Variants in CPNE8 observed in about 807,000 individuals in gnomAD.
CPNE8 encodes the protein copine-8.
A neutral mutation model predicts 81.5 loss-of-function variants in CPNE8; 45 were observed. That is an observed-to-expected ratio of 0.55 (90% confidence interval 0.44 to 0.71). CPNE8 has a LOEUF of 0.71. Among genes scored for constraint, CPNE8 ranks in the 30% least tolerant of loss-of-function variants. CPNE8 has a pLI of 0.00. For missense variants in CPNE8, 594 were observed against 672.1 expected, an observed-to-expected ratio of 0.88 and a Z score of 1.28; for synonymous variants, 252 against 226.3, an observed-to-expected ratio of 1.11 and a Z score of -1.02.
At chr12:38,740,862 G>A (rs1318601564) in intron 10 of CPNE8, among the ~76,000 whole-genome samples, 3 of 152,066 alleles carry the variant, frequency 2.0e-5, no homozygotes, top group African/African-American at 7.2e-5. Context: ...TTTTTTTGTT[G>A]TGTCTCTGCC....
chr12:38,724,977 G>T, intron 11 of CPNE8, 78 bp from the exon 12 acceptor site: 1 of 1,222,536 alleles, frequency 8.2e-7, no homozygotes, highest in Non-Finnish European at 1.2e-6. Context: ...AAAATGTGAA[G>T]TTTAACCTGC....
chr12:38,869,876 C>CAAA (rs1432040736), intron 3 of CPNE8, among the ~76,000 whole-genome samples: 1 of 152,132 alleles, frequency 6.6e-6, no homozygotes, highest in East Asian at 1.9e-4. Flanking sequence ...AAAAAATAAG[C>CAAA]AAAATACTCT....
chr12:38,686,279 A>G (rs1489402395), intron 15 of CPNE8, among the ~76,000 whole-genome samples: 1 of 152,194 alleles, frequency 6.6e-6, no homozygotes, highest in Admixed American at 6.5e-5. Flanking sequence ...AGGAATAAAA[A>G]AAAAATCCAG....
chr12:38,810,764 G>A (rs557850705), intron 6 of CPNE8, among the ~76,000 whole-genome samples: 1 of 151,992 alleles, frequency 6.6e-6, no homozygotes, highest in East Asian at 1.9e-4. Context: ...AGTGTCAAGT[G>A]GTCTATGTTT....
chr12:38,861,105 AC>A (rs1198304068), intron 3 of CPNE8, among the ~76,000 whole-genome samples: 1 of 152,194 alleles, frequency 6.6e-6, no homozygotes, highest in Non-Finnish European at 1.5e-5. Flanking sequence ...AACCTGGAGG[AC>A]ATTATATTAA....
intron 6 of CPNE8, among the ~76,000 whole-genome samples, chr12:38,826,620 A>G (rs1020721166): frequency 6.6e-6 from 1 of 152,186 alleles, no homozygotes; most frequent in African/African-American, 2.4e-5. Context: ...TTTGCTGGTC[A>G]TACCTAGTGG....
chr12:38,857,364 T>C (rs1943758525), intron 3 of CPNE8, among the ~76,000 whole-genome samples: 1 of 152,240 alleles, frequency 6.6e-6, no homozygotes, highest in African/African-American at 2.4e-5. Flanking sequence ...ATTGATTGGC[T>C]ATCAGAGAAA....
intron 19 of CPNE8, among the ~76,000 whole-genome samples, chr12:38,657,443 G>A (rs546186466): frequency 2.6e-5 from 4 of 152,270 alleles, no homozygotes; most frequent in South Asian, 2.1e-4. Flanking sequence ...CCACCTCTGT[G>A]GGTAGGGCAC....
At chr12:38,737,276 G>T (rs763213355) in intron 10 of CPNE8, among the ~76,000 whole-genome samples, 2 of 151,334 alleles carry the variant, frequency 1.3e-5, no homozygotes, top group Non-Finnish European at 2.9e-5. Flanking sequence ...TTATGTCATT[G>T]GTCAATGGCT....
chr12:38,776,376 G>T, intron 6 of CPNE8, 75 bp from the exon 7 acceptor site: 1 of 460,622 alleles, frequency 2.2e-6, no homozygotes, highest in Non-Finnish European at 3.4e-6. Flanking sequence ...TATATATCAT[G>T]TTTATTTTTA....
chr12:38,818,169 T>G (rs908701346), intron 6 of CPNE8, among the ~76,000 whole-genome samples: 16 of 152,138 alleles, frequency 1.1e-4, no homozygotes, highest in South Asian at 2.1e-4. Context: ...AGTTCTGGGA[T>G]GCATGTGCAG....
At position 38,863,060 on chromosome 12, in the gene CPNE8, A is replaced by T. The variant is rs76720030; in HGVS notation, c.186+9944T>A. ...TAACCATCAAAGGCAGAAATTGATT[A>T]TTGAAAAGACTAATAACTGATAAAC... On this transcript the variant is annotated intron_variant, in intron 3 of 19. Transcript: ENST00000331366. 7.0e-4 allele frequency among the ~76,000 whole-genome samples: 107 copies of T among 152,350 alleles called. No homozygotes were observed. The East Asian group carries it at 0.019, about 27-fold the overall frequency.
intron 10 of CPNE8, among the ~76,000 whole-genome samples, chr12:38,740,732 G>T (rs923335792): frequency 1.3e-5 from 2 of 152,162 alleles, no homozygotes; most frequent in African/African-American, 4.8e-5. Context: ...GCATCCCAGG[G>T]ATGAAGCCCA....
Position 38,653,774 on chromosome 12 carries a change from C to T in CPNE8, c.*108G>A. On this transcript the variant is annotated 3_prime_UTR_variant, in exon 20 of 20. Transcript: ENST00000331366. ...CAAGAAAGCACATTAACTGCTGAAACCAAACTGAGAAAACTATCTCATTGC... is the reference window on the plus strand; with the variant it reads ...CAAGAAAGCACATTAACTGCTGAAATCAAACTGAGAAAACTATCTCATTGC... 4.9e-6 allele frequency: 7 copies of T among 1,420,326 alleles called. No individual in the cohort carries two copies. Among genetic ancestry groups the T allele is most frequent in the Non-Finnish European group, 6.4e-6 (7 of 1,088,558 alleles). The allele number at this position is 1,420,326 out of a possible 1,614,324, so 88.0% of individuals were successfully genotyped here.
intron 6 of CPNE8, among the ~76,000 whole-genome samples, chr12:38,792,829 C>T (rs919736061): frequency 6.6e-6 from 1 of 151,754 alleles, no homozygotes; most frequent in African/African-American, 2.4e-5. Context: ...ATGCAAAAAT[C>T]CTCAACAAAA....
intron 1 of CPNE8, among the ~76,000 whole-genome samples, chr12:38,892,321 G>T (rs1944324354): frequency 6.6e-6 from 1 of 152,174 alleles, no homozygotes; most frequent in Non-Finnish European, 1.5e-5. Context: ...GTAAACAAAG[G>T]GGACACGCTG....
chr12:38,759,244 G>A (rs1941526839), intron 10 of CPNE8, among the ~76,000 whole-genome samples: 1 of 152,114 alleles, frequency 6.6e-6, no homozygotes, highest in Admixed American at 6.5e-5. Context: ...TTTCTAAATG[G>A]GAAATGGGTT....
rs764085822 is a variant in CPNE8 at position 38,873,060 on chromosome 12, A to G, written c.140-10T>C. The G allele has an allele frequency of 6.7e-7, 1 of 1,495,680 alleles. No individual in the cohort carries two copies. Among genetic ancestry groups the G allele is most frequent in the Non-Finnish European group, 9.3e-7 (1 of 1,080,022 alleles). 92.7% of individuals were successfully genotyped at this position (1,495,680 alleles called of 1,614,324 possible). A position where few individuals can be genotyped will look rare whatever the true frequency, so the allele number is the denominator to read the frequency against. ...ACATATAAGACACAAACTACAAAAG[A>G]TGAAAAAATACGCACATATAAATGT... On this transcript the variant is annotated splice_polypyrimidine_tract_variant and intron_variant, in intron 2 of 19. Transcript: ENST00000331366.
rs541361549 is a variant in CPNE8 at position 38,859,212 on chromosome 12, C to A, written c.187-10550G>T. ...AAAAAAAAAAATCCCAAAGACTCCA[C>A]AAAAACTGTTAGAAATAATAAACAA... On this transcript the variant is annotated intron_variant, in intron 3 of 19. Coordinates refer to ENST00000331366, the MANE Select transcript of CPNE8 (RefSeq NM_153634.3). 2.0e-5 allele frequency among the ~76,000 whole-genome samples: 3 copies of A among 151,662 alleles called. No homozygotes were observed. The East Asian group carries it at 5.8e-4, about 29-fold the overall frequency.
Sources: allele counts gnomAD v4.1 joint callset (sites outside exome capture counted in the v4.1 genomes callset), GRCh38; gene constraint gnomAD v4.1.1; transcripts MANE v1.5; gene names NCBI Gene and HGNC (gene_info 2026-07-23, HGNC 2026-07-21).